CTNNA2: variants seen among roughly 807,000 people sequenced by gnomAD.
CTNNA2 encodes catenin alpha-2.
Under a neutral mutation model 101.0 loss-of-function variants are expected in CTNNA2, and 42 were observed. The observed-to-expected ratio is 0.42, with a 90% CI of 0.32 to 0.54. The LOEUF is 0.54. CTNNA2 is among the 20% of genes least tolerant of loss of function. The probability of loss-of-function intolerance (pLI) is 0.14; values close to 1 mark genes in which losing one functional copy is unlikely to be tolerated. For synonymous variants in CTNNA2, 450 were observed against 456.4 expected (o/e 0.99, Z 0.18); for missense variants, 871 against 1,223.1 (o/e 0.71, Z 4.29).
At chr2:79,424,307 A>C (rs1477508298) in intron 4 of CTNNA2, among the ~76,000 whole-genome samples, 2 of 152,156 alleles carry the variant, frequency 1.3e-5, no homozygotes, top group Non-Finnish European at 2.9e-5. Context: ...TTCAGAAAAA[A>C]CATTCTTATG....
At chr2:80,385,730 C>T (rs1676936666) in intron 7 of CTNNA2, among the ~76,000 whole-genome samples, 1 of 152,132 alleles carries the variant, frequency 6.6e-6, no homozygotes. Flanking sequence ...CTTTCTCCGT[C>T]TTCCTCTGCC....
chr2:80,223,426 C>T (rs1708691756), intron 7 of CTNNA2, among the ~76,000 whole-genome samples: 1 of 152,176 alleles, frequency 6.6e-6, no homozygotes, highest in Non-Finnish European at 1.5e-5. Flanking sequence ...AGGCATGAGC[C>T]ACCATGCCCA....
chr2:79,299,009 A>G (rs1029378219), intron 2 of CTNNA2, among the ~76,000 whole-genome samples: 1 of 152,186 alleles, frequency 6.6e-6, no homozygotes, highest in South Asian at 2.1e-4. Flanking sequence ...GCTTAGAACA[A>G]TTTATCATCA....
chr2:79,611,274 A>T (rs1380591845), intron 1 of CTNNA2, among the ~76,000 whole-genome samples: 3 of 152,082 alleles, frequency 2.0e-5, no homozygotes. Flanking sequence ...TATCTTTTTA[A>T]TCTTGAGGGC....
intron 7 of CTNNA2, among the ~76,000 whole-genome samples, chr2:79,962,369 C>G (rs1302509931): frequency 1.3e-5 from 2 of 152,210 alleles, no homozygotes; most frequent in African/African-American, 4.8e-5. Context: ...TTATTCATGA[C>G]CTATTCACCT....
At chr2:79,768,899 G>T (rs903225840) in intron 3 of CTNNA2, among the ~76,000 whole-genome samples, 1 of 152,072 alleles carries the variant, frequency 6.6e-6, no homozygotes, top group Admixed American at 6.5e-5. Context: ...CTGTCGCCCA[G>T]GCTGGAGTGC....
At chr2:79,195,800 C>A (rs1157249264) in intron 1 of CTNNA2, 2 of 513,110 alleles carry the variant, frequency 3.9e-6, no homozygotes, top group Admixed American at 3.9e-5. Flanking sequence ...TCACACAAAG[C>A]AAGGCCCGGC....
chr2:80,602,422 ATTC>A (rs1484809361), intron 15 of CTNNA2, among the ~76,000 whole-genome samples: 2 of 152,068 alleles, frequency 1.3e-5, no homozygotes, highest in Non-Finnish European at 2.9e-5. Context: ...ATCCTTTGAA[ATTC>A]TTGAAATACA....
chr2:79,488,404 G>A (rs911331685), intron 4 of CTNNA2, among the ~76,000 whole-genome samples: 1 of 150,956 alleles, frequency 6.6e-6, no homozygotes, highest in Non-Finnish European at 1.5e-5. Flanking sequence ...CTGCAGTGAA[G>A]GTCAATGTCA....
chr2:79,799,672 T>G (rs1204074186), intron 3 of CTNNA2, among the ~76,000 whole-genome samples: 1 of 152,186 alleles, frequency 6.6e-6, no homozygotes, highest in Non-Finnish European at 1.5e-5. Context: ...AGGCTTTAAA[T>G]TTTTTCTTAA....
intron 4 of CTNNA2, among the ~76,000 whole-genome samples, chr2:79,376,443 GT>G (rs1315853687): frequency 1.3e-5 from 1 of 79,678 alleles, no homozygotes; most frequent in Non-Finnish European, 2.6e-5. Flanking sequence ...ATAGCCCCTT[GT>G]TGGTTGGTTT....
intron 2 of CTNNA2, among the ~76,000 whole-genome samples, chr2:79,225,578 A>C (rs1288679234): frequency 6.6e-6 from 1 of 152,196 alleles, no homozygotes; most frequent in African/African-American, 2.4e-5. Flanking sequence ...TATAAGGCCC[A>C]TGTGGCTACA....
At chr2:80,441,230 GT>G (rs1374180910) in intron 9 of CTNNA2, among the ~76,000 whole-genome samples, 1 of 152,086 alleles carries the variant, frequency 6.6e-6, no homozygotes, top group Non-Finnish European at 1.5e-5. Context: ...AAATTTTGAG[GT>G]TTCTGTCTAC....
intron 2 of CTNNA2, among the ~76,000 whole-genome samples, chr2:79,654,155 T>C (rs1055808247): frequency 6.6e-6 from 1 of 152,214 alleles, no homozygotes; most frequent in African/African-American, 2.4e-5. Context: ...ATAATTTTTG[T>C]ATTATGCTTC....
intron 7 of CTNNA2, among the ~76,000 whole-genome samples, chr2:80,351,313 A>G (rs1673271386): frequency 6.6e-6 from 1 of 152,082 alleles, no homozygotes; most frequent in Non-Finnish European, 1.5e-5. Context: ...ATAGAGCCTA[A>G]ATGTAATACT....
chr2:79,383,198 TAG>T (rs1157081419), intron 4 of CTNNA2, among the ~76,000 whole-genome samples: 1 of 152,222 alleles, frequency 6.6e-6, no homozygotes, highest in Non-Finnish European at 1.5e-5. Flanking sequence ...CCTTTCAGAA[TAG>T]AGTTTTCATT....
chr2:79,738,015 T>C (rs1573835152), intron 2 of CTNNA2, among the ~76,000 whole-genome samples: 1 of 152,152 alleles, frequency 6.6e-6, no homozygotes, highest in Non-Finnish European at 1.5e-5. Flanking sequence ...AAATACAACA[T>C]ATCGCAAGAA....
chr2:79,867,421 C>T (rs763744545), intron 4 of CTNNA2, among the ~76,000 whole-genome samples: 24 of 152,050 alleles, frequency 1.6e-4, no homozygotes, highest in Non-Finnish European at 2.6e-4. Flanking sequence ...CCATCTCCAT[C>T]TCTCATCTAT....
intron 2 of CTNNA2, among the ~76,000 whole-genome samples, chr2:79,310,429 A>G (rs1676340510): frequency 6.6e-6 from 1 of 152,308 alleles, no homozygotes; most frequent in Admixed American, 6.5e-5. Context: ...CTTTTCCTAC[A>G]TACATTTAAA....
Sources: allele counts gnomAD v4.1 joint callset (sites outside exome capture counted in the v4.1 genomes callset), GRCh38; gene constraint gnomAD v4.1.1; transcripts MANE v1.5; gene names NCBI Gene and HGNC (gene_info 2026-07-23, HGNC 2026-07-21).